The following ATXN10 variants were observed in gnomAD, a reference collection of about 807,000 sequenced individuals.
The protein encoded by ATXN10 is ataxin-10.
A neutral mutation model predicts 52.9 loss-of-function variants in ATXN10; 28 were observed. The ratio of observed to expected loss-of-function variants is 0.53; its 90% CI spans 0.39 to 0.73. The LOEUF (loss-of-function observed/expected upper bound fraction) is 0.73, where lower values mean the gene tolerates loss of function less well. Ranked by LOEUF, ATXN10 falls within the 30% of genes least tolerant of loss-of-function variation. ATXN10 has a pLI of 0.00. For synonymous variants in ATXN10, 226 were observed against 221.5 expected (o/e 1.02, Z -0.18); for missense variants, 565 against 577.0 (o/e 0.98, Z 0.21).
intron 4 of ATXN10, among the ~76,000 whole-genome samples, chr22:45,702,013 C>A (rs1377213824): frequency 6.6e-6 from 1 of 152,074 alleles, no homozygotes; most frequent in African/African-American, 2.4e-5. Flanking sequence ...CAGATATAAC[C>A]AAATTTGAAT....
Position 45,718,400 on chromosome 22 carries a change from C to G in ATXN10, c.648-13C>G. 6.2e-7 allele frequency: 1 copy of G among 1,609,036 alleles called. No homozygotes were observed. Among genetic ancestry groups the G allele is most frequent in the Non-Finnish European group, 8.5e-7 (1 of 1,175,482 alleles). On this transcript the variant is annotated splice_polypyrimidine_tract_variant and intron_variant, in intron 5 of 11. Transcript: ENST00000252934. The surrounding 1 kb of genome is among the most constrained non-coding windows in gnomAD (Gnocchi z 4.4). ...TTTCAAGTAACCAAACTTTCCTCCT[C>G]TTTTTTCCCTAGGTTCTTGATTATT...
At chr22:45,721,389 G>A (rs971246951) in intron 6 of ATXN10, among the ~76,000 whole-genome samples, 17 of 152,164 alleles carry the variant, frequency 1.1e-4, no homozygotes, top group African/African-American at 4.8e-5. Context: ...GAGAATAATA[G>A]TAGCTACCCC....
chr22:45,756,254 C>T (rs562096372), intron 9 of ATXN10, among the ~76,000 whole-genome samples: 2 of 152,236 alleles, frequency 1.3e-5, no homozygotes, highest in South Asian at 2.1e-4. Context: ...AAGGGATCCT[C>T]CCACCTCAAT....
intron 5 of ATXN10, among the ~76,000 whole-genome samples, chr22:45,714,954 C>T: frequency 6.6e-6 from 1 of 152,264 alleles, no homozygotes; most frequent in Non-Finnish European, 1.5e-5. Flanking sequence ...TGGCTGAGAC[C>T]TGTCTTCCCT....
At chr22:45,758,315 A>G (rs1431698352) in intron 9 of ATXN10, among the ~76,000 whole-genome samples, 2 of 152,238 alleles carry the variant, frequency 1.3e-5, no homozygotes, top group Non-Finnish European at 2.9e-5. Context: ...GAGCACCACC[A>G]TTGTTAACTG....
rs1923616054 is a variant in ATXN10 at position 45,696,612 on chromosome 22, CCAT to C, written c.391+3538_391+3540del. ...AGCCTCTGTTTTTTTCCTCTTTACTCCATCATTTTCATCAGCAAGTAATATGCC... is the reference window on the plus strand; with the variant it reads ...AGCCTCTGTTTTTTTCCTCTTTACTCCATTTTCATCAGCAAGTAATATGCC... On this transcript the variant is annotated intron_variant, in intron 3 of 11. Coordinates refer to ENST00000252934, the MANE Select transcript of ATXN10 (RefSeq NM_013236.4). The surrounding 1 kb of genome is among the most constrained non-coding windows in gnomAD (Gnocchi z 4.7). Among the ~76,000 whole-genome samples the C allele has an allele frequency of 6.6e-6, 1 of 152,168 alleles. No individual in the cohort carries two copies. Among genetic ancestry groups the C allele is most frequent in the African/African-American group, 2.4e-5 (1 of 41,430 alleles).
chr22:45,723,001 G>A (rs1001826648), intron 6 of ATXN10, among the ~76,000 whole-genome samples: 1 of 151,928 alleles, frequency 6.6e-6, no homozygotes, highest in Non-Finnish European at 1.5e-5. Flanking sequence ...CTGAAGCCAG[G>A]GATCCTGACT....
chr22:45,672,179 G>A lies in ATXN10; in HGVS notation c.116G>A (p.Arg39Gln). 2 of 1,532,778 alleles carry A rather than the reference G, an allele frequency of 1.3e-6. No individual in the cohort carries two copies. 94.9% of individuals were successfully genotyped at this position (1,532,778 alleles called of 1,614,324 possible). ...GCGCTCTTCAAAGAGCAGCGGAACC[G>A]GTAACGGGTCCGGCCGGGGGGCTGC... ...LTALFKEQRN[R>Q]ETAPRTIFQR... The change falls in exon 1 of 12, where the codon CGA becomes CAA. Residue 39 changes from arginine to glutamine, a missense_variant and splice_region_variant. Physicochemically the swap from Arg to Gln is conservative, Grantham distance 43. Transcript: ENST00000252934.
Position 45,843,402 on chromosome 22 carries a change from G to A in ATXN10, c.1425+224G>A, listed in dbSNP as rs942681162. On this transcript the variant is annotated intron_variant, in intron 11 of 11. Transcript: ENST00000252934. The surrounding 1 kb of genome is among the most constrained non-coding windows in gnomAD (Gnocchi z 4.5). ...AGAGGGACAATTTCAAACTCATTCT[G>A]GGTGAGAAATACAAAAGGCATATCA... 2.6e-5 allele frequency among the ~76,000 whole-genome samples: 4 copies of A among 152,152 alleles called. No individual in the cohort carries two copies. Among genetic ancestry groups the A allele is most frequent in the Non-Finnish European group, 5.9e-5 (4 of 68,022 alleles).
chr22:45,806,200 C>T (rs966911026), intron 9 of ATXN10, among the ~76,000 whole-genome samples: 2 of 152,158 alleles, frequency 1.3e-5, no homozygotes, highest in African/African-American at 4.8e-5. Context: ...TGTCTGTTTC[C>T]TTGTGGCCTT....
rs1218650333 is a variant in ATXN10 at position 45,840,901 on chromosome 22, G to T, written c.1238-2090G>T. 1.3e-5 allele frequency among the ~76,000 whole-genome samples: 2 copies of T among 152,146 alleles called. No individual in the cohort carries two copies. Among genetic ancestry groups the T allele is most frequent in the Non-Finnish European group, 2.9e-5 (2 of 68,028 alleles). ...AAAATTCCCCAGTCTTACATTTCTTGCTCCTTGAGTCAGTTCTTTTCATAA... is the reference window on the plus strand; with the variant it reads ...AAAATTCCCCAGTCTTACATTTCTTTCTCCTTGAGTCAGTTCTTTTCATAA... On this transcript the variant is annotated intron_variant, in intron 10 of 11. Coordinates refer to ENST00000252934, the MANE Select transcript of ATXN10 (RefSeq NM_013236.4). The surrounding 1 kb of genome is among the most constrained non-coding windows in gnomAD (Gnocchi z 5.8).
intron 10 of ATXN10, among the ~76,000 whole-genome samples, chr22:45,838,303 G>A (rs897371620): frequency 7.9e-5 from 12 of 152,058 alleles, no homozygotes; most frequent in Non-Finnish European, 1.2e-4. Context: ...GTGCTGCCTC[G>A]GCCATTGAGC....
intron 9 of ATXN10, among the ~76,000 whole-genome samples, chr22:45,777,919 G>T (rs570383009): frequency 6.6e-6 from 1 of 152,278 alleles, no homozygotes; most frequent in Non-Finnish European, 1.5e-5. Context: ...GAAAGAGCTT[G>T]ATTCTTATGA....
At chr22:45,679,992 T>C (rs1922854865) in intron 1 of ATXN10, 1 of 152,200 alleles carries the variant, frequency 6.6e-6, no homozygotes, top group Admixed American at 6.5e-5. Context: ...GTTTCTCAGC[T>C]CTTTCATTCT....
chr22:45,752,090 T>C (rs1241649182), intron 9 of ATXN10, among the ~76,000 whole-genome samples: 3 of 152,230 alleles, frequency 2.0e-5, no homozygotes, highest in African/African-American at 7.2e-5. Context: ...AACCTACTGC[T>C]ATATTGCAGT....
chr22:45,717,945 A>G (rs1048877836), intron 5 of ATXN10, among the ~76,000 whole-genome samples: 2 of 152,200 alleles, frequency 1.3e-5, no homozygotes, highest in African/African-American at 2.4e-5. Context: ...TTGCTTGACA[A>G]TGAGGATGTT....
chr22:45,730,353 A>AG, intron 7 of ATXN10, among the ~76,000 whole-genome samples: 1 of 151,968 alleles, frequency 6.6e-6, no homozygotes, highest in South Asian at 2.1e-4. Flanking sequence ...TCAAAAAAAA[A>AG]AAAAAAAAAA....
At chr22:45,693,275 A>G (rs866727135) in intron 3 of ATXN10, among the ~76,000 whole-genome samples, 197 bp downstream of exon 3, 2 of 152,184 alleles carry the variant, frequency 1.3e-5, no homozygotes, top group African/African-American at 2.4e-5. Flanking sequence ...TTCCTTTCAC[A>G]TTTGTATGTT....
In ATXN10 at chr22:45,799,074, T is replaced by G. The variant is rs2146876374; in HGVS notation, c.1174-7885T>G. On this transcript the variant is annotated intron_variant, in intron 9 of 11. Coordinates refer to ENST00000252934, the MANE Select transcript of ATXN10 (RefSeq NM_013236.4). The stretch of plus-strand genomic sequence containing the variant: ...CAGTCAGAATGCCAGGAGACATTTG[T>G]GTTTTGTTTTTTGTTTTTCTTTTGA... Among the ~76,000 whole-genome samples, 2 of 66,918 alleles carry G rather than the reference T, an allele frequency of 3.0e-5. 1 individual carries two copies. The highest frequency in any genetic ancestry group is 1.1e-3 in the South Asian group (2 of 1,836). 43.9% of individuals were successfully genotyped at this position (66,918 alleles called of 152,430 possible). A position where few individuals can be genotyped will look rare whatever the true frequency, so the allele number is the denominator to read the frequency against.
Sources: allele counts gnomAD v4.1 joint callset (sites outside exome capture counted in the v4.1 genomes callset), GRCh38; gene constraint gnomAD v4.1.1; non-coding constraint Gnocchi (gnomAD v3.1); transcripts MANE v1.5; gene names NCBI Gene and HGNC (gene_info 2026-07-23, HGNC 2026-07-21).